NCOR2: variants seen among roughly 807,000 people sequenced by gnomAD.
NCOR2 encodes nuclear receptor corepressor 2, also known as CTG repeat protein 26.
NCOR2 carries 81 observed loss-of-function variants against 262.9 expected under a neutral mutation model. The observed-to-expected ratio is 0.31, with a 90% CI of 0.26 to 0.37. The LOEUF (loss-of-function observed/expected upper bound fraction) is 0.37, where lower values mean the gene tolerates loss of function less well. NCOR2 is among the 10% of genes least tolerant of loss of function. The pLI is 1.00. For synonymous variants in NCOR2, 1,659 were observed against 1,559.3 expected (o/e 1.06, Z -1.51); for missense variants, 3,385 against 3,621.4 (o/e 0.93, Z 1.68).
rs554422468 is a variant in NCOR2 at position 124,449,726 on chromosome 12, G to T, written c.815+89C>A. On this transcript the variant is annotated intron_variant, in intron 7 of 46. Coordinates refer to ENST00000405201, the Ensembl canonical transcript of NCOR2. ...CGGGAGCCCCTGATGGGAACAGAGA[G>T]CCCACGTCCCACATCCCATGCAGGC... 6.1e-6 allele frequency: 9 copies of T among 1,471,524 alleles called. No individual in the cohort carries two copies. The East Asian group carries it at 1.9e-4, about 31-fold the overall frequency. The allele number at this position is 1,471,524 out of a possible 1,614,324, so 91.2% of individuals were successfully genotyped here.
At chr12:124,344,822 G>A (rs1242350276) in exon 32 of NCOR2, 23 of 1,556,574 alleles carry the variant, frequency 1.5e-5, no homozygotes, top group South Asian at 5.9e-5. Context: ...TCCAGTGCCC[G>A]GGCGTCGGCC....
rs766406156 is a variant in NCOR2, at chr12:124,372,599, T to C, written c.2230A>G (p.Asn744Asp). The change falls in exon 20 of 47, where the codon AAC becomes GAC. Residue 744 changes from asparagine to aspartate, a missense_variant. By Grantham distance (23) the Asn-to-Asp change is conservative (BLOSUM62 1). Coordinates refer to ENST00000405201, the Ensembl canonical transcript of NCOR2. ...GGGATGCTCTCGGTGTCTGAGCTGT[T>C]GTTGACAGTGGCTGTGCAGGGCGAG... The C allele has an allele frequency of 3.1e-6, 5 of 1,596,656 alleles. No individual in the cohort carries two copies. In the African/African-American group the frequency reaches 6.7e-5, roughly 21 times the overall value.
At chr12:124,416,679 C>T (rs1411162523) in intron 13 of NCOR2, among the ~76,000 whole-genome samples, 2 of 149,506 alleles carry the variant, frequency 1.3e-5, no homozygotes, top group Admixed American at 1.3e-4. Flanking sequence ...CAGGGAGACC[C>T]GCGACACAGG....
chr12:124,396,460 G>C (rs1475795475), intron 16 of NCOR2, among the ~76,000 whole-genome samples: 1 of 152,242 alleles, frequency 6.6e-6, no homozygotes, highest in Non-Finnish European at 1.5e-5. Context: ...ATTAAAGACA[G>C]AGAAACAACA....
At position 124,327,715 on chromosome 12, in the gene NCOR2, G is replaced by A. The variant is rs374503206; in HGVS notation, c.6959-82C>T. On this transcript the variant is annotated intron_variant, in intron 44 of 46. Transcript: ENST00000405201. ...AGAGGGGCGACAGAGAGAGAGAAGG[G>A]AGAGAGAGAGGGAAGGAGGAGGAGG... The A allele has an allele frequency of 1.0e-3, 981 of 960,992 alleles. 9 individuals are homozygous for A. The highest frequency in any genetic ancestry group is 7.2e-3 in the South Asian group (477 of 65,984). The allele number at this position is 960,992 out of a possible 1,614,324, so 59.5% of individuals were successfully genotyped here.
At chr12:124,333,898 G>A (rs2035557922) in intron 41 of NCOR2, among the ~76,000 whole-genome samples, 1 of 62,294 alleles carries the variant, frequency 1.6e-5, no homozygotes, top group African/African-American at 5.4e-5. Context: ...GTGTGTGTGC[G>A]CGCGCATGTG....
At chr12:124,387,077 G>A (rs2040859624) in intron 16 of NCOR2, among the ~76,000 whole-genome samples, 1 of 152,228 alleles carries the variant, frequency 6.6e-6, no homozygotes, top group Non-Finnish European at 1.5e-5. Context: ...CTTTAATGAA[G>A]GATTTCCCAT....
chr12:124,566,059 A>G lies in NCOR2; in HGVS notation c.-165+1249T>C, dbSNP rs1004115272. On this transcript the variant is annotated intron_variant, in intron 1 of 32. Coordinates refer to the NCOR2 transcript ENST00000458234. The surrounding 1 kb of genome is among the most constrained non-coding windows in gnomAD (Gnocchi z 4.3). ...AAGGGGCAAAGTCAAGGCCACCGGT[A>G]ACACATCCCAACGCGCCCAGAACTC... Among the ~76,000 whole-genome samples, 1 of 152,144 alleles carries G rather than the reference A, an allele frequency of 6.6e-6. No homozygotes were observed. Among genetic ancestry groups the G allele is most frequent in the Non-Finnish European group, 1.5e-5 (1 of 68,024 alleles).
rs944043846 is a variant in NCOR2, at chr12:124,341,754, A to T, written c.5188+69T>A. Reference sequence around the variant, plus strand: ...CAGGTCTAGCTGCCTCCGCGAGGCCACAGGGGCACGCCCATGTCCTTTGGG... The same window carrying T: ...CAGGTCTAGCTGCCTCCGCGAGGCCTCAGGGGCACGCCCATGTCCTTTGGG... On this transcript the variant is annotated intron_variant, in intron 34 of 46. Coordinates refer to ENST00000405201, the Ensembl canonical transcript of NCOR2. 3 of 1,540,024 alleles carry T rather than the reference A, an allele frequency of 1.9e-6. No individual in the cohort carries two copies. In the African/African-American group the frequency reaches 4.1e-5, roughly 21 times the overall value.
chr12:124,369,613 G>A (rs1460213136), intron 20 of NCOR2, among the ~76,000 whole-genome samples: 1 of 152,138 alleles, frequency 6.6e-6, no homozygotes. Context: ...TGCCGGCCAG[G>A]ACGAGGTCAG....
intron 3 of NCOR2, among the ~76,000 whole-genome samples, chr12:124,479,003 G>A (rs2047253799): frequency 6.6e-6 from 1 of 152,120 alleles, no homozygotes; most frequent in South Asian, 2.1e-4. Context: ...GGTAAGGGAC[G>A]GAGACCCTCT....
At chr12:124,333,887 T>C (rs993678040) in intron 41 of NCOR2, among the ~76,000 whole-genome samples, 22 of 10,096 alleles carry the variant, frequency 2.2e-3, no homozygotes, top group African/African-American at 3.4e-3. Context: ...CGGGTGTGCA[T>C]GTGTGTGTGC....
rs745338359 is a variant in NCOR2 at position 124,419,990 on chromosome 12, C to T, written c.1449G>A (p.Val483=). The change falls in exon 13 of 47, where the codon GTG becomes GTA. Residue 483 remains valine, a synonymous_variant. Coordinates refer to ENST00000405201, the Ensembl canonical transcript of NCOR2. ...TGCCGCGGCGCCGATAGCTCCGTCT[C>T]ACCAGGCTCTTATAGTTCTCATTCT... 61 of 1,613,920 alleles carry T rather than the reference C, an allele frequency of 3.8e-5. No homozygotes were observed. The South Asian group carries it at 6.7e-4, about 18-fold the overall frequency.
At chr12:124,559,895 A>C (rs2052013572) in intron 1 of NCOR2, among the ~76,000 whole-genome samples, 1 of 152,250 alleles carries the variant, frequency 6.6e-6, no homozygotes, top group Non-Finnish European at 1.5e-5. Context: ...GTGCTACAGC[A>C]ACTATATACC....
intron 18 of NCOR2, among the ~76,000 whole-genome samples, chr12:124,376,890 G>C (rs2040046864): frequency 6.6e-6 from 1 of 152,204 alleles, no homozygotes; most frequent in Non-Finnish European, 1.5e-5. Flanking sequence ...CCGCCGGGCT[G>C]CTTGTTTCTC....
At chr12:124,407,288 C>T (rs1235039528) in intron 13 of NCOR2, among the ~76,000 whole-genome samples, 2 of 152,212 alleles carry the variant, frequency 1.3e-5, no homozygotes, top group African/African-American at 4.8e-5. Flanking sequence ...AGGACACATT[C>T]AAAAGGCACA....
At chr12:124,368,472 C>T (rs2039215616) in intron 20 of NCOR2, among the ~76,000 whole-genome samples, 1 of 152,140 alleles carries the variant, frequency 6.6e-6, no homozygotes, top group African/African-American at 2.4e-5. Context: ...CTTGCCTCTC[C>T]AAGGCCCCAA....
intron 1 of NCOR2, among the ~76,000 whole-genome samples, chr12:124,501,343 C>T (rs113239816): frequency 2.6e-5 from 4 of 152,244 alleles, no homozygotes; most frequent in South Asian, 4.2e-4. Flanking sequence ...CCGAGAGGCA[C>T]GGCACCTGGC....
intron 1 of NCOR2, among the ~76,000 whole-genome samples, chr12:124,511,903 A>T (rs898607381): frequency 3.3e-5 from 5 of 152,168 alleles, no homozygotes; most frequent in Non-Finnish European, 5.9e-5. Context: ...AGGAAACTTA[A>T]AACAACAGTG....
Sources: allele counts gnomAD v4.1 joint callset (sites outside exome capture counted in the v4.1 genomes callset), GRCh38; gene constraint gnomAD v4.1.1; non-coding constraint Gnocchi (gnomAD v3.1); transcripts MANE v1.5; gene names NCBI Gene and HGNC (gene_info 2026-07-23, HGNC 2026-07-21).